Variants in DZANK1 observed in about 807,000 individuals in gnomAD.
DZANK1 encodes double zinc ribbon and ankyrin repeat domains 1, also known as double zinc ribbon and ankyrin repeat-containing protein 1.
A neutral mutation model predicts 94.5 loss-of-function variants in DZANK1; 91 were observed. The ratio of observed to expected loss-of-function variants is 0.96; its 90% CI spans 0.81 to 1.15. The LOEUF is 1.15. DZANK1 is among the 50% of genes most tolerant of loss of function. The probability of loss-of-function intolerance (pLI) is 0.00; values close to 1 mark genes in which losing one functional copy is unlikely to be tolerated. For synonymous variants in DZANK1, 312 were observed against 325.3 expected, an observed-to-expected ratio of 0.96 and a Z score of 0.44; for missense variants, 903 against 916.4, an observed-to-expected ratio of 0.99 and a Z score of 0.19.
chr20:18,384,220 C>T (rs1486979112), exon 21 of DZANK1: 16 of 556,896 alleles, frequency 2.9e-5, no homozygotes, highest in Non-Finnish European at 4.5e-5. Flanking sequence ...CCACTACGCC[C>T]GACTAATTTT....
At chr20:18,399,125 C>CAAAAAA (rs11387673) in intron 13 of DZANK1, among the ~76,000 whole-genome samples, 1 of 127,580 alleles carries the variant, frequency 7.8e-6, no homozygotes, top group Non-Finnish European at 1.6e-5. Context: ...GACTACATCT[C>CAAAAAA]AAAAAAAAAA....
intron 7 of DZANK1, 76 bp downstream of exon 7, chr20:18,448,908 C>G: frequency 8.6e-7 from 1 of 1,156,206 alleles, no homozygotes; most frequent in Non-Finnish European, 1.2e-6. Context: ...GCAAAAATGT[C>G]GTATCTTTAA....
intron 16 of DZANK1, 104 bp downstream of exon 16, chr20:18,394,150 A>C: frequency 1.0e-6 from 1 of 971,636 alleles, no homozygotes; most frequent in East Asian, 2.6e-5. Context: ...TAACTGCAAG[A>C]TCTGTGACCG....
At chr20:18,458,740 T>C (rs1457848344) in intron 3 of DZANK1, among the ~76,000 whole-genome samples, 2 of 152,198 alleles carry the variant, frequency 1.3e-5, no homozygotes, top group Non-Finnish European at 1.5e-5. Flanking sequence ...ATGGTCTTGA[T>C]GCTCCCAGAA....
At chr20:18,434,050 C>T (rs1214345099) in intron 8 of DZANK1, 2 of 279,494 alleles carry the variant, frequency 7.2e-6, no homozygotes, top group African/African-American at 4.4e-5. Context: ...CTATGTACCC[C>T]ATAAATATGT....
chr20:18,465,661 A>G (rs1355800024), intron 1 of DZANK1, among the ~76,000 whole-genome samples: 2 of 152,210 alleles, frequency 1.3e-5, no homozygotes. Context: ...TTAAATGAGT[A>G]AGGCAAAACA....
intron 1 of DZANK1, among the ~76,000 whole-genome samples, chr20:18,466,057 G>A (rs780304937): frequency 2.6e-5 from 4 of 152,164 alleles, no homozygotes; most frequent in Non-Finnish European, 5.9e-5. Context: ...AGCCTTACTG[G>A]TCTTTTTGGA....
At chr20:18,397,673 A>G (rs1451110136) in intron 14 of DZANK1, among the ~76,000 whole-genome samples, 3 of 152,152 alleles carry the variant, frequency 2.0e-5, no homozygotes, top group Non-Finnish European at 4.4e-5. Flanking sequence ...TTTGCTCCAC[A>G]TGTCTGAGGC....
At chr20:18,387,278 G>C (rs564714276) in intron 19 of DZANK1, among the ~76,000 whole-genome samples, 1 of 152,308 alleles carries the variant, frequency 6.6e-6, no homozygotes, top group African/African-American at 2.4e-5. Context: ...CTGGTGGTTA[G>C]ATTTTCTGTG....
exon 10 of DZANK1, chr20:18,427,085 G>A (rs1310962986): frequency 2.5e-6 from 4 of 1,611,280 alleles, no homozygotes; most frequent in Non-Finnish European, 3.4e-6. Flanking sequence ...ATGAAGGCAG[G>A]GCCCCCTCAC....
rs557036861 is a variant in DZANK1, at chr20:18,459,515, A to G, written c.263+638T>C. Among the ~76,000 whole-genome samples the G allele has an allele frequency of 2.0e-5, 3 of 152,314 alleles. No individual in the cohort carries two copies. In the South Asian group the frequency reaches 6.2e-4, roughly 32 times the overall value. On this transcript the variant is annotated intron_variant, in intron 3 of 20. Transcript: ENST00000262547. ...TGTGGCCAAACCTGCATTGCTGGAA[A>G]AATAATTCCTATATCACAGCCACAC...
At chr20:18,442,996 G>A (rs1454300487) in intron 8 of DZANK1, among the ~76,000 whole-genome samples, 1 of 152,202 alleles carries the variant, frequency 6.6e-6, no homozygotes, top group Non-Finnish European at 1.5e-5. Flanking sequence ...GAGACATAAA[G>A]TAATTGGTAG....
In DZANK1 at chr20:18,441,648, C is replaced by T. The variant is rs141862745; in HGVS notation, c.747+1699G>A. ...TTCATTGAATTGAGTGTGGTTGTCA[C>T]CCACCGGATGGCAGAGAAGTTCACT... On this transcript the variant is annotated intron_variant, in intron 8 of 20. Transcript: ENST00000262547. The surrounding 1 kb of genome is among the most constrained non-coding windows in gnomAD (Gnocchi z 4.1). Among the ~76,000 whole-genome samples the T allele has an allele frequency of 2.4e-3, 366 of 152,280 alleles. 6 individuals are homozygous for T. Among genetic ancestry groups the T allele is most frequent in the Admixed American group, 0.02 (308 of 15,290 alleles).
At position 18,402,760 on chromosome 20, in the gene DZANK1, C is replaced by T. The variant is rs116170579; in HGVS notation, c.1433-4134G>A. Among the ~76,000 whole-genome samples the T allele has an allele frequency of 5.8e-3, 880 of 152,302 alleles. 11 individuals are homozygous for T. The highest frequency in any genetic ancestry group is 0.019 in the African/African-American group (770 of 41,560). On this transcript the variant is annotated intron_variant, in intron 13 of 20. Coordinates refer to ENST00000262547, the Ensembl canonical transcript of DZANK1. Reference sequence around the variant, plus strand: ...GTCTCTCACTCTGCCTCATGCCTCTCGGCCAAATTCTTTCCTTCTTGGAAG... The same window carrying T: ...GTCTCTCACTCTGCCTCATGCCTCTTGGCCAAATTCTTTCCTTCTTGGAAG...
intron 13 of DZANK1, among the ~76,000 whole-genome samples, chr20:18,403,753 C>T (rs2056806223): frequency 6.7e-6 from 1 of 150,058 alleles, no homozygotes; most frequent in Non-Finnish European, 1.5e-5. Context: ...CCCAGGATGA[C>T]TTTGAATGGA....
At chr20:18,459,415 GGGGCTAGAGTCCTTTAAAGTACCT>G (rs1478811450) in intron 3 of DZANK1, among the ~76,000 whole-genome samples, 2 of 152,170 alleles carry the variant, frequency 1.3e-5, no homozygotes, top group Non-Finnish European at 2.9e-5. Flanking sequence ...AGTGGGGGGT[GGGGCTAGAGTCCTTTAAAGTACCT>G]GGGCCAGCCA....
chr20:18,417,859 G>A (rs2057566492), intron 10 of DZANK1, among the ~76,000 whole-genome samples: 1 of 152,158 alleles, frequency 6.6e-6, no homozygotes, highest in South Asian at 2.1e-4. Flanking sequence ...GCTGAGGCGA[G>A]TGTATCACTA....
chr20:18,432,820 T>C (rs2058337406), intron 9 of DZANK1: 2 of 152,218 alleles, frequency 1.3e-5, no homozygotes, highest in Admixed American at 1.3e-4. Flanking sequence ...AATTGAAGAA[T>C]GGAGAAAATA....
In DZANK1 at chr20:18,434,175, TA is replaced by T. The variant is rs921315397; in HGVS notation, c.748-411del. Among the ~76,000 whole-genome samples the T allele has an allele frequency of 7.3e-4, 106 of 144,442 alleles. 1 individual carries two copies. The South Asian group carries it at 9.0e-3, about 12-fold the overall frequency. 94.8% of individuals were successfully genotyped at this position (144,442 alleles called of 152,430 possible). A position where few individuals can be genotyped will look rare whatever the true frequency, so the allele number is the denominator to read the frequency against. On this transcript the variant is annotated intron_variant, in intron 8 of 20. Transcript: ENST00000262547. ...TGTTCATTGTAGAAAAGAGAGATGTTAAAAAAAAAAAGAAAAATATCCATAG... is the reference window on the plus strand; with the variant it reads ...TGTTCATTGTAGAAAAGAGAGATGTTAAAAAAAAAAGAAAAATATCCATAG...
Sources: gnomAD v4.1 joint callset for allele counts (sites outside exome capture counted in the v4.1 genomes callset) on GRCh38, gnomAD v4.1.1 for gene constraint, Gnocchi (gnomAD v3.1) non-coding constraint, MANE v1.5 for transcripts, NCBI Gene and HGNC (gene_info 2026-07-23, HGNC 2026-07-21) for gene names.